The following PPP2R3B variants were observed in gnomAD, a reference collection of about 807,000 sequenced individuals.
PPP2R3B encodes serine/threonine-protein phosphatase 2A regulatory subunit B'' subunit beta.
Under a neutral mutation model 72.9 loss-of-function variants are expected in PPP2R3B, and 68 were observed. That is an observed-to-expected ratio of 0.93 (90% CI 0.77 to 1.14). PPP2R3B has a LOEUF of 1.14. Among genes scored for constraint, PPP2R3B ranks in the 50% most tolerant of loss-of-function variants. PPP2R3B has a pLI of 0.00. For synonymous variants in PPP2R3B, 466 were observed against 375.8 expected (o/e 1.24, Z -2.78); for missense variants, 1,018 against 842.0 (o/e 1.21, Z -2.59).
chrX:384,161 C>G (rs1397581999), intron 1 of PPP2R3B, among the ~76,000 whole-genome samples: 1 of 152,018 alleles, frequency 6.6e-6, no homozygotes, highest in Non-Finnish European at 1.5e-5. Flanking sequence ...TCACTAGAGA[C>G]CTCTGCAGAA....
At chrX:379,422 CTG>C (rs1019838031) in intron 1 of PPP2R3B, among the ~76,000 whole-genome samples, 71 of 148,648 alleles carry the variant, frequency 4.8e-4, no homozygotes, top group African/African-American at 1.0e-3. Context: ...GTGTATGCAC[CTG>C]TGTTTGTGCA....
intron 2 of PPP2R3B, among the ~76,000 whole-genome samples, chrX:349,955 C>A (rs5948796): frequency 0.028 from 4,288 of 152,228 alleles, 105 homozygotes; most frequent in Non-Finnish European, 0.044. Flanking sequence ...CAGAGTCCAG[C>A]AATCCCCATC....
chrX:364,307 C>T (rs771882506), intron 1 of PPP2R3B, among the ~76,000 whole-genome samples: 19 of 152,186 alleles, frequency 1.2e-4, no homozygotes, highest in Non-Finnish European at 1.8e-4. Flanking sequence ...AGTTCTCCCC[C>T]GAGAACTGAC....
Position 340,800 on chromosome X carries a change from C to T in PPP2R3B, c.1316G>A (p.Cys439Tyr). 1 of 1,611,826 alleles carries T rather than the reference C, an allele frequency of 6.2e-7. No individual in the cohort carries two copies. Among genetic ancestry groups the T allele is most frequent in the South Asian group, 1.1e-5 (1 of 91,058 alleles). The part of the protein sequence containing the change: ...IEALPFQDCL[C>Y]QMLDLVKPRT... Reference sequence around the variant, plus strand: ...CGGCTTGACCAGGTCCAGCATCTGGCAGAGGCAGTCCTGGAAGGGCAGGGC... The same window carrying T: ...CGGCTTGACCAGGTCCAGCATCTGGTAGAGGCAGTCCTGGAAGGGCAGGGC... The change falls in exon 10 of 13, where the codon TGC becomes TAC. Residue 439 changes from cysteine (C) to tyrosine (Y), a missense_variant. Transcript: ENST00000390665.
intron 6 of PPP2R3B, 119 bp from the exon 7 acceptor site, chrX:345,791 G>C: frequency 4.4e-6 from 2 of 450,568 alleles, no homozygotes; most frequent in Non-Finnish European, 7.9e-6. Context: ...GGGTGGGGGG[G>C]ACTGGGCAGC....
At chrX:347,899 T>G (rs965913915) in intron 2 of PPP2R3B, 10 of 548,496 alleles carry the variant, frequency 1.8e-5, no homozygotes, top group African/African-American at 7.8e-5. Flanking sequence ...AGCGTGGGAG[T>G]GCCGGGCACG....
chrX:382,491 C>G (rs760817982), intron 1 of PPP2R3B, among the ~76,000 whole-genome samples: 2 of 146,874 alleles, frequency 1.4e-5, no homozygotes, highest in Non-Finnish European at 3.0e-5. Flanking sequence ...AGCGACTGAG[C>G]CTGGTCTCAT....
At chrX:374,083 G>C (rs763167606) in intron 1 of PPP2R3B, 1 of 151,914 alleles carries the variant, frequency 6.6e-6, no homozygotes, top group African/African-American at 2.4e-5. Context: ...AGGTCCCCGA[G>C]AGGAGAGCCT....
Position 347,652 on chromosome X carries a change from A to G in PPP2R3B, c.552T>C (p.Tyr184=), listed in dbSNP as rs770893550. 67 of 1,569,374 alleles carry G rather than the reference A, an allele frequency of 4.3e-5. No individual in the cohort carries two copies. Among genetic ancestry groups the G allele is most frequent in the Non-Finnish European group, 5.5e-5 (64 of 1,158,288 alleles). ...CPLYWKGPLF[Y]GAGGERTGSV... ...AGCCCGTGCGCTCCCCGCCGGCGCC[A>G]TAGAAGAGCGGCCCCTTCCAGTAGA... Residue 184 remains tyrosine, a synonymous_variant, in exon 3 of 13, where the codon TAT becomes TAC. Coordinates refer to ENST00000390665, the MANE Select transcript of PPP2R3B (RefSeq NM_013239.5).
intron 1 of PPP2R3B, among the ~76,000 whole-genome samples, chrX:380,747 T>C (rs1406138145): frequency 2.9e-5 from 4 of 140,036 alleles, no homozygotes; most frequent in South Asian, 4.5e-4. Flanking sequence ...AATTGCGTCA[T>C]TGCACTGCAG....
At chrX:366,712 G>A (rs1354058881) in intron 1 of PPP2R3B, among the ~76,000 whole-genome samples, 3 of 88,742 alleles carry the variant, frequency 3.4e-5, no homozygotes, top group Admixed American at 1.0e-4. Flanking sequence ...CAAAACAAAC[G>A]ATTAACCAGG....
In PPP2R3B at chrX:338,793, C is replaced by T; in HGVS notation, c.1455G>A (p.Gln485=). Residue 485 remains glutamine, a synonymous_variant, in exon 11 of 13, where the codon CAG becomes CAA. Transcript: ENST00000390665. ...EKYLDHEQKE[Q]ISLLRDGDSG... is the part of the protein sequence containing the mutation. ...CCGCACTCACCCTGAGCAGGGAGAT[C>T]TGCTCTTTCTGCTCGTGGTCGAGGT... is the stretch of plus-strand genomic sequence containing the variant. The T allele has an allele frequency of 6.2e-7, 1 of 1,612,438 alleles. No individual in the cohort carries two copies. The highest frequency in any genetic ancestry group is 8.5e-7 in the Non-Finnish European group (1 of 1,179,694).
chrX:372,279 G>A (rs1351194396), intron 1 of PPP2R3B, among the ~76,000 whole-genome samples: 1 of 152,226 alleles, frequency 6.6e-6, no homozygotes, highest in Non-Finnish European at 1.5e-5. Flanking sequence ...AACTCCGAAG[G>A]AGTGCAAAAG....
chrX:373,576 C>T, intron 1 of PPP2R3B: 1 of 287,854 alleles, frequency 3.5e-6, no homozygotes, highest in Non-Finnish European at 7.4e-6. Context: ...GAGGGCAGCA[C>T]GAAGTCGCAG....
intron 1 of PPP2R3B, among the ~76,000 whole-genome samples, chrX:369,090 T>C (rs4906980): frequency 0.43 from 65,067 of 152,012 alleles, 14,715 homozygotes; most frequent in African/African-American, 0.58. Flanking sequence ...CCTCTCGGGC[T>C]GAGCTGCAGG....
At chrX:361,861 T>C (rs762623135) in intron 1 of PPP2R3B, among the ~76,000 whole-genome samples, 1 of 152,206 alleles carries the variant, frequency 6.6e-6, no homozygotes, top group East Asian at 1.9e-4. Context: ...AGCAGGGCCC[T>C]GGGGACAAGG....
chrX:361,393 C>G lies in PPP2R3B; in HGVS notation c.510+12G>C. ...CACCTCGGCTGCTCCACGTCCCACG[C>G]GTGACACGTACCTTGGCCACCAGGC... On this transcript the variant is annotated intron_variant, in intron 2 of 12. Coordinates refer to ENST00000390665, the MANE Select transcript of PPP2R3B (RefSeq NM_013239.5). 3 of 1,613,814 alleles carry G rather than the reference C, an allele frequency of 1.9e-6. No homozygotes were observed. The highest frequency in any genetic ancestry group is 1.7e-6 in the Non-Finnish European group (2 of 1,179,732).
chrX:364,075 C>G (rs1337371473), intron 1 of PPP2R3B, among the ~76,000 whole-genome samples: 1 of 152,242 alleles, frequency 6.6e-6, no homozygotes, highest in African/African-American at 2.4e-5. Flanking sequence ...CAGGCTCTGC[C>G]TTCAGAAGCG....
intron 1 of PPP2R3B, among the ~76,000 whole-genome samples, chrX:384,259 A>G (rs1387130007): frequency 3.3e-5 from 5 of 149,748 alleles, no homozygotes; most frequent in Non-Finnish European, 7.4e-5. Flanking sequence ...GCACGCAAGA[A>G]GACTCTCTCT....
Sources: allele counts gnomAD v4.1 joint callset (sites outside exome capture counted in the v4.1 genomes callset), GRCh38; gene constraint gnomAD v4.1.1; transcripts MANE v1.5; gene names NCBI Gene and HGNC (gene_info 2026-07-23, HGNC 2026-07-21).